GRIN2D: variants seen among roughly 807,000 people sequenced by gnomAD.
GRIN2D encodes the protein glutamate receptor ionotropic, NMDA 2D.
GRIN2D carries 37 observed loss-of-function variants against 103.2 expected under a neutral mutation model. The observed-to-expected ratio is 0.36, with a 90% CI of 0.28 to 0.47. The LOEUF is 0.47. Among genes scored for constraint, GRIN2D ranks in the 20% least tolerant of loss-of-function variants. GRIN2D has a pLI of 1.00. For synonymous variants in GRIN2D, 845 were observed against 885.6 expected (o/e 0.95, Z 0.81); for missense variants, 1,557 against 1,910.6 (o/e 0.81, Z 3.45).
rs77301100 is a variant in GRIN2D, at chr19:48,419,222, C to T, written c.1736-12C>T. Reference sequence around the variant, plus strand: ...TTGGCTGAGCCATAACCACGCACTCCCTTGTCCCCAGAGCCCTACAGCCCC... The same window carrying T: ...TTGGCTGAGCCATAACCACGCACTCTCTTGTCCCCAGAGCCCTACAGCCCC... On this transcript the variant is annotated splice_polypyrimidine_tract_variant and intron_variant, in intron 8 of 13. Transcript: ENST00000263269. 4 of 1,600,860 alleles carry T rather than the reference C, an allele frequency of 2.5e-6. No individual in the cohort carries two copies. The South Asian group carries it at 4.4e-5, about 18-fold the overall frequency.
intron 11 of GRIN2D, among the ~76,000 whole-genome samples, chr19:48,438,709 C>T (rs1971259972): frequency 6.6e-6 from 1 of 152,244 alleles, no homozygotes; most frequent in South Asian, 2.1e-4. Flanking sequence ...GCTGGGATTA[C>T]AGGCGTGAGT....
At chr19:48,399,355 C>A (rs892902045) in intron 3 of GRIN2D, among the ~76,000 whole-genome samples, 16 of 152,150 alleles carry the variant, frequency 1.1e-4, no homozygotes, top group Non-Finnish European at 2.2e-4. Flanking sequence ...CACTTGAGGT[C>A]ACAGGAGTTT....
In GRIN2D at chr19:48,419,379, T is replaced by TC. The variant is rs1197015218; in HGVS notation, c.1861+25dup. 6 of 1,583,230 alleles carry TC rather than the reference T, an allele frequency of 3.8e-6. No homozygotes were observed. In the Admixed American group the frequency reaches 1.2e-4, roughly 30 times the overall value. On this transcript the variant is annotated intron_variant, in intron 9 of 13. Transcript: ENST00000263269. ...GCAAGCGTGAGTCCCCCTTCCTCCA[T>TC]CCCCCGCCTCGGAGATCCCGAACCA...
intron 11 of GRIN2D, among the ~76,000 whole-genome samples, chr19:48,424,680 G>C (rs1441210562): frequency 6.6e-6 from 1 of 151,906 alleles, no homozygotes; most frequent in Non-Finnish European, 1.5e-5. Context: ...TTCCCCACAC[G>C]CTGTCTTTGA....
rs141284963 is a variant in GRIN2D, at chr19:48,422,560, G to A, written c.2252+615G>A. 2.8e-4 allele frequency among the ~76,000 whole-genome samples: 43 copies of A among 151,332 alleles called. 1 individual carries two copies. In the East Asian group the frequency reaches 8.4e-3, roughly 30 times the overall value. On this transcript the variant is annotated intron_variant, in intron 11 of 13. Coordinates refer to ENST00000263269, the MANE Select transcript of GRIN2D (RefSeq NM_000836.4). ...TGGGAGTCGGAGGTTGCAGTGAGCC[G>A]AGATCATGCCACTGCACTCCAGCCT...
intron 3 of GRIN2D, among the ~76,000 whole-genome samples, chr19:48,401,952 G>A (rs905382595): frequency 2.6e-5 from 4 of 151,988 alleles, no homozygotes; most frequent in Non-Finnish European, 5.9e-5. Flanking sequence ...ATACAAAAAT[G>A]AGCTTGGCAT....
chr19:48,430,965 G>T (rs535871253), intron 11 of GRIN2D, among the ~76,000 whole-genome samples: 1 of 151,646 alleles, frequency 6.6e-6, no homozygotes, highest in Non-Finnish European at 1.5e-5. Flanking sequence ...GATTACAGTC[G>T]TGCACCACCA....
chr19:48,414,742 T>A lies in GRIN2D; in HGVS notation c.1413-122T>A. 1 of 1,311,054 alleles carries A rather than the reference T, an allele frequency of 7.6e-7. No homozygotes were observed. Among genetic ancestry groups the A allele is most frequent in the Non-Finnish European group, 1.1e-6 (1 of 945,208 alleles). The allele number at this position is 1,311,054 out of a possible 1,614,324, so 81.2% of individuals were successfully genotyped here. A position where few individuals can be genotyped will look rare whatever the true frequency, so the allele number is the denominator to read the frequency against. ...AACCTCAGAATTCTTTGAGCCTGAG[T>A]TTCCCCTGAAAGCGCTAACCATAGT... On this transcript the variant is annotated intron_variant, in intron 6 of 13. Coordinates refer to ENST00000263269, the MANE Select transcript of GRIN2D (RefSeq NM_000836.4). The surrounding 1 kb of genome is among the most constrained non-coding windows in gnomAD (Gnocchi z 4.6).
In GRIN2D at chr19:48,398,824, G is replaced by A; in HGVS notation, c.432G>A (p.Val144=). The change falls in exon 3 of 14, where the codon GTG becomes GTA. Residue 144 remains valine, a synonymous_variant. Coordinates refer to ENST00000263269, the MANE Select transcript of GRIN2D (RefSeq NM_000836.4). The stretch of plus-strand genomic sequence containing the variant: ...AGACCTCGCTGCCCATCGTGGCCGT[G>A]CACGGCGGCGCCGCGCTCGTGCTCA... ...SAQTSLPIVA[V]HGGAALVLTP... 7.1e-7 allele frequency: 1 copy of A among 1,411,418 alleles called. No homozygotes were observed. 87.4% of individuals were successfully genotyped at this position (1,411,418 alleles called of 1,614,324 possible). A position where few individuals can be genotyped will look rare whatever the true frequency, so the allele number is the denominator to read the frequency against.
intron 11 of GRIN2D, among the ~76,000 whole-genome samples, chr19:48,441,152 CAG>C (rs965058845): frequency 2.9e-4 from 44 of 151,966 alleles, no homozygotes; most frequent in African/African-American, 9.9e-4. Context: ...ACCACAAGGA[CAG>C]GGGTTCGAGA....
At chr19:48,419,087 C>T in intron 8 of GRIN2D, 147 bp from the exon 9 acceptor site, 1 of 548,676 alleles carries the variant, frequency 1.8e-6, no homozygotes, top group South Asian at 3.3e-5. Context: ...AGTTCAAGGC[C>T]AGTCTGGTCT....
In GRIN2D at chr19:48,415,003, G is replaced by A. The variant is rs1453671339; in HGVS notation, c.1552G>A (p.Asp518Asn). The change falls in exon 7 of 14, where the codon GAT becomes AAT. Residue 518 changes from aspartate (D) to asparagine (N), a missense_variant. Physicochemically the swap from Asp to Asn is conservative, Grantham distance 23. This residue lies in a region of GRIN2D where 197 missense variants were observed against 334.1 expected (regional missense o/e 0.59). Coordinates refer to ENST00000263269, the MANE Select transcript of GRIN2D (RefSeq NM_000836.4). ...VTNGKHGKKI[D>N]GVWNGMIGEV... ...CAATGGCAAGCACGGAAAGAAGATC[G>A]ATGGCGTCTGGAACGGCATGATCGG... The A allele has an allele frequency of 1.2e-6, 2 of 1,604,606 alleles. No individual in the cohort carries two copies. The highest frequency in any genetic ancestry group is 2.2e-5 in the South Asian group (2 of 90,558).
chr19:48,393,975 C>A lies in GRIN2D; in HGVS notation c.-306+107C>A, dbSNP rs1354316902. Among the ~76,000 whole-genome samples the A allele has an allele frequency of 6.6e-6, 1 of 151,914 alleles. No homozygotes were observed. The highest frequency in any genetic ancestry group is 1.5e-5 in the Non-Finnish European group (1 of 67,952). Reference sequence around the variant, plus strand: ...GGAGGGGTCTGTCTGTCTGTACCGACCCTGAGCTGCCTGCCTGGGTGTCGT... The same window carrying A: ...GGAGGGGTCTGTCTGTCTGTACCGAACCTGAGCTGCCTGCCTGGGTGTCGT... On this transcript the variant is annotated intron_variant, in intron 1 of 13. Transcript: ENST00000263269. The surrounding 1 kb of genome is among the most constrained non-coding windows in gnomAD (Gnocchi z 5.6).
chr19:48,430,356 G>A (rs531906518), intron 11 of GRIN2D, among the ~76,000 whole-genome samples: 5 of 152,218 alleles, frequency 3.3e-5, no homozygotes, highest in African/African-American at 4.8e-5. Context: ...GCGCCACTGC[G>A]CCTGGCTAAT....
chr19:48,434,610 T>C (rs1174082468), intron 11 of GRIN2D, among the ~76,000 whole-genome samples: 1 of 151,872 alleles, frequency 6.6e-6, no homozygotes, highest in African/African-American at 2.4e-5. Context: ...TAATTGTATT[T>C]TTTTTTTTAC....
chr19:48,431,940 G>A (rs527340475), intron 11 of GRIN2D, among the ~76,000 whole-genome samples: 1 of 141,808 alleles, frequency 7.1e-6, no homozygotes, highest in African/African-American at 2.7e-5. Flanking sequence ...TTGAGACAGA[G>A]TCTTGCTCTG....
chr19:48,421,929 A>G lies in GRIN2D; in HGVS notation c.2236A>G (p.Thr746Ala), dbSNP rs1402632204. ...CCAGCCCCGCGTAGAGGAAGCGCTC[A>G]CTCAGCTCAAGGCAGGGTCAGCGCA... ...YNQPRVEEAL[T>A]QLKAGKLDAF... Residue 746 changes from threonine (T) to alanine (A), a missense_variant, in exon 11 of 14, where the codon ACT becomes GCT. Transcript: ENST00000263269. The surrounding 1 kb of genome is among the most constrained non-coding windows in gnomAD (Gnocchi z 4.8). The G allele has an allele frequency of 6.2e-6, 10 of 1,613,984 alleles. No individual in the cohort carries two copies. The highest frequency in any genetic ancestry group is 8.5e-6 in the Non-Finnish European group (10 of 1,179,928).
intron 11 of GRIN2D, among the ~76,000 whole-genome samples, chr19:48,436,617 A>G (rs1231774475): frequency 2.0e-5 from 3 of 152,264 alleles, no homozygotes; most frequent in Non-Finnish European, 2.9e-5. Context: ...AACCATGAAC[A>G]GAATTCCTTC....
chr19:48,438,334 T>C (rs1260807803), intron 11 of GRIN2D, among the ~76,000 whole-genome samples: 2 of 129,348 alleles, frequency 1.5e-5, no homozygotes, highest in African/African-American at 5.9e-5. Context: ...AGTCTTGCTC[T>C]GTCGCCCAGG....
Sources: gnomAD v4.1 joint callset for allele counts (sites outside exome capture counted in the v4.1 genomes callset) on GRCh38, gnomAD v4.1.1 for gene constraint, gnomAD v4.1.1 regional missense constraint, Gnocchi (gnomAD v3.1) non-coding constraint, MANE v1.5 for transcripts, NCBI Gene and HGNC (gene_info 2026-07-23, HGNC 2026-07-21) for gene names.